XPO6: variants seen among roughly 807,000 people sequenced by gnomAD.
XPO6 encodes the protein exportin-6.
XPO6 carries 3 observed loss-of-function variants against 130.0 expected under a neutral mutation model. That is an observed-to-expected ratio of 0.02 (90% confidence interval 0.01 to 0.06). XPO6 has a LOEUF of 0.06. Ranked by LOEUF, XPO6 falls within the 10% of genes least tolerant of loss-of-function variation. The pLI, the probability that XPO6 is intolerant of heterozygous loss-of-function variation, is 1.00. For missense variants in XPO6, 970 were observed against 1,393.0 expected, an observed-to-expected ratio of 0.70 and a Z score of 4.83; for synonymous variants, 524 against 548.9, an observed-to-expected ratio of 0.95 and a Z score of 0.63.
At chr16:28,126,306 T>C (rs2087408575) in intron 12 of XPO6, among the ~76,000 whole-genome samples, 1 of 152,118 alleles carries the variant, frequency 6.6e-6, no homozygotes, top group African/African-American at 2.4e-5. Context: ...TATCTCAGAA[T>C]GAAATTTCCA....
At position 28,098,365 on chromosome 16, in the gene XPO6, A is replaced by G. The variant is rs2086578689; in HGVS notation, c.*173T>C. ...CAGTGCTCAGGTGGACCCAGAAGCC[A>G]GCTCTGCTGGGCAGCGGCAAGATGT... On this transcript the variant is annotated 3_prime_UTR_variant, in exon 24 of 24. Coordinates refer to ENST00000304658, the MANE Select transcript of XPO6 (RefSeq NM_015171.4). 3 of 591,898 alleles carry G rather than the reference A, an allele frequency of 5.1e-6. No individual in the cohort carries two copies. Among genetic ancestry groups the G allele is most frequent in the Non-Finnish European group, 8.9e-6 (3 of 337,630 alleles). The allele number at this position is 591,898 out of a possible 1,614,324, so 36.7% of individuals were successfully genotyped here.
At chr16:28,134,276 G>A (rs1375607238) in intron 10 of XPO6, among the ~76,000 whole-genome samples, 1 of 152,152 alleles carries the variant, frequency 6.6e-6, no homozygotes, top group Non-Finnish European at 1.5e-5. Context: ...CCACATAACT[G>A]ACTGACTCAG....
At chr16:28,182,633 T>C (rs1022374698) in intron 1 of XPO6, among the ~76,000 whole-genome samples, 1 of 152,238 alleles carries the variant, frequency 6.6e-6, no homozygotes, top group Non-Finnish European at 1.5e-5. Context: ...CTAAAAAATA[T>C]CCTTGGCTTG....
intron 7 of XPO6, chr16:28,153,378 C>A (rs1396267678): frequency 1.0e-6 from 1 of 985,126 alleles, no homozygotes; most frequent in Non-Finnish European, 1.2e-6. Context: ...GCCTCAGGGA[C>A]TTTAGTCTGA....
chr16:28,148,821 C>G (rs1286037295), intron 8 of XPO6, among the ~76,000 whole-genome samples: 3 of 151,988 alleles, frequency 2.0e-5, no homozygotes, highest in African/African-American at 7.2e-5. Flanking sequence ...TCAAGTGGAT[C>G]ACCTAAGGTC....
Position 28,177,295 on chromosome 16 carries a change from G to A in XPO6, c.132C>T (p.Ala44=), listed in dbSNP as rs201648035. 18 of 1,613,050 alleles carry A rather than the reference G, an allele frequency of 1.1e-5. No individual in the cohort carries two copies. In the East Asian group the frequency reaches 4.0e-4, roughly 36 times the overall value. The change falls in exon 3 of 24, where the codon GCC becomes GCT. Residue 44 remains alanine, a synonymous_variant. Coordinates refer to ENST00000304658, the MANE Select transcript of XPO6 (RefSeq NM_015171.4). ...AGAGAAAGTACAGGCAGAATCTCCA[G>A]GCTCCTATTTGCTGGGCAAAGTTAT... ...LLNNFAQQIG[A]WRFCLYFLSS... is the part of the protein sequence containing the mutation.
intron 17 of XPO6, 187 bp downstream of exon 17, chr16:28,111,630 C>T: frequency 3.6e-6 from 2 of 557,030 alleles, no homozygotes; most frequent in Non-Finnish European, 6.2e-6. Context: ...ATAGGTCTGG[C>T]TGCTGTCTTA....
At chr16:28,164,618 GCAC>G (rs984764035) in intron 6 of XPO6, among the ~76,000 whole-genome samples, 2 of 152,116 alleles carry the variant, frequency 1.3e-5, no homozygotes, top group Admixed American at 6.5e-5. Context: ...CAAGAAGTAG[GCAC>G]CACATTTTAG....
At chr16:28,188,954 A>ATTTTCC (rs1185780017) in intron 1 of XPO6, among the ~76,000 whole-genome samples, 8 of 151,918 alleles carry the variant, frequency 5.3e-5, no homozygotes, top group Admixed American at 5.2e-4. Flanking sequence ...GCCCGTAGAT[A>ATTTTCC]TTTTCCTTTT....
At chr16:28,125,066 T>C (rs890820229) in intron 13 of XPO6, among the ~76,000 whole-genome samples, 1 of 152,154 alleles carries the variant, frequency 6.6e-6, no homozygotes, top group African/African-American at 2.4e-5. Flanking sequence ...CAAGTGTTCC[T>C]CAACAAGTGC....
At chr16:28,113,161 A>G (rs1182441325) in intron 15 of XPO6, 111 bp from the exon 16 acceptor site, 1 of 1,348,280 alleles carries the variant, frequency 7.4e-7, no homozygotes, top group African/African-American at 1.5e-5. Flanking sequence ...AAATTACACC[A>G]CCTAGGCCCT....
rs142401544 is a variant in XPO6 at position 28,164,113 on chromosome 16, A to C, written c.643+2395T>G. 5.5e-3 allele frequency among the ~76,000 whole-genome samples: 845 copies of C among 152,342 alleles called. 6 individuals carry two copies. Among genetic ancestry groups the C allele is most frequent in the Middle Eastern group, 0.02 (6 of 294 alleles). Reference sequence around the variant, plus strand: ...AAGTAATAAGACAGAAAATTACATTAAAAGAAAGTATATGGGGAAAAAAAC... The same window carrying C: ...AAGTAATAAGACAGAAAATTACATTCAAAGAAAGTATATGGGGAAAAAAAC... On this transcript the variant is annotated intron_variant, in intron 6 of 23. Coordinates refer to ENST00000304658, the MANE Select transcript of XPO6 (RefSeq NM_015171.4).
intron 10 of XPO6, among the ~76,000 whole-genome samples, chr16:28,134,908 G>A (rs1462545394): frequency 3.9e-5 from 6 of 152,196 alleles, no homozygotes; most frequent in African/African-American, 1.4e-4. Context: ...GAGCAGAGGT[G>A]AGGGTGCAAG....
In XPO6 at chr16:28,101,438, C is replaced by T. The variant is rs770429928; in HGVS notation, c.3276+20G>A. Reference sequence around the variant, plus strand: ...TGCCCACTCTGCCCTCCTCTTAGCCCGGCCTCTTTCTCTCCTCACCCGATC... The same window carrying T: ...TGCCCACTCTGCCCTCCTCTTAGCCTGGCCTCTTTCTCTCCTCACCCGATC... On this transcript the variant is annotated intron_variant, in intron 23 of 23. Coordinates refer to ENST00000304658, the MANE Select transcript of XPO6 (RefSeq NM_015171.4). This position sits in a 1 kb window ranked among gnomAD's most constrained non-coding sequence, Gnocchi z 5.4. 2.1e-5 allele frequency: 34 copies of T among 1,609,178 alleles called. No homozygotes were observed. In the African/African-American group the frequency reaches 2.1e-4, roughly 10 times the overall value.
chr16:28,117,781 G>GT (rs1275656137), intron 14 of XPO6, among the ~76,000 whole-genome samples: 1 of 152,230 alleles, frequency 6.6e-6, no homozygotes, highest in African/African-American at 2.4e-5. Context: ...AAGTGATCAT[G>GT]TGTTGACTTC....
intron 7 of XPO6, chr16:28,153,265 C>G (rs2043126233): frequency 2.0e-6 from 2 of 988,152 alleles, no homozygotes; most frequent in African/African-American, 3.5e-5. Flanking sequence ...ACTTAATGGC[C>G]ATTTTTCCCC....
chr16:28,113,131 A>G, intron 15 of XPO6, 81 bp from the exon 16 acceptor site: 1 of 1,514,258 alleles, frequency 6.6e-7, no homozygotes, highest in Non-Finnish European at 8.9e-7. Context: ...GCCACAAGCT[A>G]TGTGTCATTC....
chr16:28,206,230 G>A (rs1353119603), intron 1 of XPO6, among the ~76,000 whole-genome samples: 1 of 151,704 alleles, frequency 6.6e-6, no homozygotes, highest in African/African-American at 2.4e-5. Context: ...TTCATAGCAG[G>A]AAGTCAATAC....
chr16:28,192,010 A>G (rs1483227120), intron 1 of XPO6, among the ~76,000 whole-genome samples: 1 of 152,208 alleles, frequency 6.6e-6, no homozygotes, highest in African/African-American at 2.4e-5. Flanking sequence ...CTGTAATCCC[A>G]GCACTGTGGG....
Sources: gnomAD v4.1 joint callset for allele counts (sites outside exome capture counted in the v4.1 genomes callset) on GRCh38, gnomAD v4.1.1 for gene constraint, Gnocchi (gnomAD v3.1) non-coding constraint, MANE v1.5 for transcripts, NCBI Gene and HGNC (gene_info 2026-07-23, HGNC 2026-07-21) for gene names.